CDK12: variants seen among roughly 807,000 people sequenced by gnomAD.
The protein encoded by CDK12 is cyclin dependent kinase 12, also known as cyclin-dependent kinase 12.
Under a neutral mutation model 133.8 loss-of-function variants are expected in CDK12, and 17 were observed. The ratio of observed to expected loss-of-function variants is 0.13; its 90% confidence interval spans 0.09 to 0.19. The LOEUF (loss-of-function observed/expected upper bound fraction) is 0.19, where lower values mean the gene tolerates loss of function less well. CDK12 is among the 10% of genes least tolerant of loss of function. The pLI is 1.00. For missense variants in CDK12, 1,508 were observed against 1,818.7 expected, an observed-to-expected ratio of 0.83 and a Z score of 3.11; for synonymous variants, 694 against 683.6, an observed-to-expected ratio of 1.02 and a Z score of -0.24.
At chr17:39,543,637 GT>G (rs1272310108), upstream of CDK12, among the ~76,000 whole-genome samples, 5 of 152,180 alleles carry the variant, frequency 3.3e-5, no homozygotes, top group Admixed American at 3.3e-4. Flanking sequence ...TATCCTTTAC[GT>G]TTTGTTCATC....
intron 2 of CDK12, among the ~76,000 whole-genome samples, chr17:39,478,488 C>G (rs1229188157): frequency 6.6e-6 from 1 of 152,030 alleles, no homozygotes; most frequent in Non-Finnish European, 1.5e-5. Flanking sequence ...GCCAACGTGC[C>G]CAGCCCTGGC....
intron 5 of CDK12, 148 bp from the exon 6 acceptor site, chr17:39,501,102 C>G: frequency 1.8e-6 from 1 of 545,818 alleles, no homozygotes; most frequent in Non-Finnish European, 3.2e-6. Flanking sequence ...TTCAACTACT[C>G]TTCGTTTCAG....
At chr17:39,494,962 G>A (rs1485248305) in intron 5 of CDK12, among the ~76,000 whole-genome samples, 8 of 151,806 alleles carry the variant, frequency 5.3e-5, no homozygotes, top group Non-Finnish European at 1.2e-4. Flanking sequence ...TAGTAGAGGC[G>A]GGGTTTCACC....
At chr17:39,475,835 A>G (rs12449852) in intron 2 of CDK12, among the ~76,000 whole-genome samples, 120,056 of 151,902 alleles carry the variant, frequency 0.79, 47,960 homozygotes, top group South Asian at 0.92. Context: ...GTGAGCCACC[A>G]TGTCAGGAAC....
At chr17:39,485,477 A>G (rs2051049816) in intron 2 of CDK12, among the ~76,000 whole-genome samples, 1 of 144,280 alleles carries the variant, frequency 6.9e-6, no homozygotes, top group Admixed American at 7.2e-5. Context: ...GCAGTGGCTC[A>G]ATCTCAGCTC....
chr17:39,557,199 C>G (rs1020898622), intron 3 of CDK12: 2 of 152,208 alleles, frequency 1.3e-5, no homozygotes, highest in African/African-American at 4.8e-5. Context: ...ACTTCTACAG[C>G]TGGGTAGATG....
intron 13 of CDK12, among the ~76,000 whole-genome samples, chr17:39,527,327 A>G (rs2054555413): frequency 6.6e-6 from 1 of 152,214 alleles, no homozygotes; most frequent in African/African-American, 2.4e-5. Context: ...TCACCCCTGG[A>G]TTATTCAGCT....
At chr17:39,515,151 G>A (rs1265702223) in intron 8 of CDK12, among the ~76,000 whole-genome samples, 1 of 152,174 alleles carries the variant, frequency 6.6e-6, no homozygotes, top group Non-Finnish European at 1.5e-5. Context: ...GGCAAAGGTT[G>A]CAGTGAGTGG....
intron 6 of CDK12, among the ~76,000 whole-genome samples, chr17:39,504,077 T>C (rs2052922869): frequency 6.6e-6 from 1 of 152,090 alleles, no homozygotes; most frequent in Non-Finnish European, 1.5e-5. Flanking sequence ...AGTGAGTGTA[T>C]GGTAGATAAT....
chr17:39,501,216 T>G (rs756243926), intron 5 of CDK12, 34 bp from the exon 6 acceptor site: 1 of 1,426,472 alleles, frequency 7.0e-7, no homozygotes, highest in African/African-American at 1.5e-5. Context: ...TCTTTTTTTT[T>G]TCTTGCTTTT....
chr17:39,485,030 C>A (rs750297118), intron 2 of CDK12, among the ~76,000 whole-genome samples: 1 of 151,572 alleles, frequency 6.6e-6, no homozygotes, highest in South Asian at 2.1e-4. Flanking sequence ...ATTAGCCAGG[C>A]GTGATGGTGG....
At chr17:39,558,843 C>T (rs2056260777) in intron 3 of CDK12, among the ~76,000 whole-genome samples, 1 of 152,112 alleles carries the variant, frequency 6.6e-6, no homozygotes, top group Non-Finnish European at 1.5e-5. Context: ...GGGGTTTCAT[C>T]ATGTTGGCCA....
At chr17:39,521,876 T>TC (rs1346896349) in intron 11 of CDK12, among the ~76,000 whole-genome samples, 1 of 149,108 alleles carries the variant, frequency 6.7e-6, no homozygotes, top group Non-Finnish European at 1.5e-5. Flanking sequence ...TTTTTTTTTT[T>TC]CCAATTGTAG....
intron 2 of CDK12, among the ~76,000 whole-genome samples, chr17:39,554,819 C>T (rs2056087829): frequency 6.7e-6 from 1 of 148,280 alleles, no homozygotes; most frequent in Admixed American, 6.9e-5. Flanking sequence ...GCAGAGGTTG[C>T]AGTGATCTCC....
At chr17:39,559,467 TA>T (rs2056286602) in intron 3 of CDK12, among the ~76,000 whole-genome samples, 1 of 152,220 alleles carries the variant, frequency 6.6e-6, no homozygotes, top group Non-Finnish European at 1.5e-5. Flanking sequence ...GTTGCCCTTT[TA>T]TATTCACACC....
intron 6 of CDK12, among the ~76,000 whole-genome samples, chr17:39,502,932 T>A (rs74514513): frequency 6.6e-6 from 1 of 152,282 alleles, no homozygotes; most frequent in African/African-American, 2.4e-5. Flanking sequence ...AGCCCACTTA[T>A]GGATCTTGCA....
chr17:39,516,024 T>A (rs2053781126), intron 9 of CDK12, among the ~76,000 whole-genome samples: 1 of 152,222 alleles, frequency 6.6e-6, no homozygotes, highest in Admixed American at 6.5e-5. Context: ...TGCATATTTT[T>A]TATTAGCTCT....
In CDK12 at chr17:39,461,761, C is replaced by T. The variant is rs1362799640; in HGVS notation, c.-311C>T. 1.2e-5 allele frequency: 5 copies of T among 404,516 alleles called. No individual in the cohort carries two copies. The highest frequency in any genetic ancestry group is 2.3e-5 in the Non-Finnish European group (5 of 221,968). The allele number at this position is 404,516 out of a possible 1,614,324, so 25.1% of individuals were successfully genotyped here. ...GTCGGCTTCTCACTTCCTGGACCTC[C>T]CCGGCGCCCGGGCCTGAGGACTGGC... is the stretch of plus-strand genomic sequence containing the variant. On this transcript the variant is annotated 5_prime_UTR_variant, in exon 1 of 14. Transcript: ENST00000447079.
chr17:39,468,236 A>G (rs1410847083), intron 1 of CDK12, among the ~76,000 whole-genome samples: 1 of 152,100 alleles, frequency 6.6e-6, no homozygotes, highest in Non-Finnish European at 1.5e-5. Context: ...TTGGAAGCAA[A>G]CTTGCAAGAA....
Sources: gnomAD v4.1 joint callset for allele counts (sites outside exome capture counted in the v4.1 genomes callset) on GRCh38, gnomAD v4.1.1 for gene constraint, MANE v1.5 for transcripts, NCBI Gene and HGNC (gene_info 2026-07-23, HGNC 2026-07-21) for gene names.